Variants in PIK3C2A observed in about 807,000 individuals in gnomAD.
The protein encoded by PIK3C2A is phosphatidylinositol 4-phosphate 3-kinase C2 domain-containing subunit alpha.
A neutral mutation model predicts 204.5 loss-of-function variants in PIK3C2A; 97 were observed. The observed-to-expected ratio is 0.47, with a 90% CI of 0.40 to 0.56. The LOEUF (loss-of-function observed/expected upper bound fraction) is 0.56, where lower values mean the gene tolerates loss of function less well. Among genes scored for constraint, PIK3C2A ranks in the 20% least tolerant of loss-of-function variants. PIK3C2A has a pLI of 0.00. For synonymous variants in PIK3C2A, 653 were observed against 664.4 expected, an observed-to-expected ratio of 0.98 and a Z score of 0.26; for missense variants, 1,735 against 1,969.2, an observed-to-expected ratio of 0.88 and a Z score of 2.25.
At chr11:17,152,591 TTAAG>T (rs1484712606) in intron 3 of PIK3C2A, among the ~76,000 whole-genome samples, 26 of 152,318 alleles carry the variant, frequency 1.7e-4, no homozygotes, top group Non-Finnish European at 2.8e-4. Flanking sequence ...TTTGATGTTC[TTAAG>T]TAACTATCTA....
chr11:17,142,274 T>C (rs1451724277), intron 8 of PIK3C2A, among the ~76,000 whole-genome samples: 1 of 151,972 alleles, frequency 6.6e-6, no homozygotes, highest in Non-Finnish European at 1.5e-5. Context: ...AATTTCAGAG[T>C]CAATCAGTAT....
At chr11:17,101,127 G>A (rs141256313) in intron 25 of PIK3C2A, 151 bp downstream of exon 25, 74 of 456,962 alleles carry the variant, frequency 1.6e-4, no homozygotes, top group African/African-American at 9.3e-4. Flanking sequence ...TATTTCACAC[G>A]GCAGTAAGTT....
Position 17,094,318 on chromosome 11 carries a change from T to G in PIK3C2A, c.4394A>C (p.Glu1465Ala). 6.2e-7 allele frequency: 1 copy of G among 1,610,986 alleles called. No homozygotes were observed. Among genetic ancestry groups the G allele is most frequent in the Non-Finnish European group, 8.5e-7 (1 of 1,177,148 alleles). ...GAGCTTATTGTGAAGTTCCTGAAATTCGTCAAATGTTCGGAAGACAAATGA... is the reference window on the plus strand; with the variant it reads ...GAGCTTATTGTGAAGTTCCTGAAATGCGTCAAATGTTCGGAAGACAAATGA... ...EPSFVFRTFD[E>A]FQELHNKLSI... Residue 1465 changes from glutamate (E) to alanine (A), a missense_variant, in exon 28 of 33, where the codon GAA becomes GCA. Coordinates refer to ENST00000691414, the MANE Select transcript of PIK3C2A (RefSeq NM_002645.4).
intron 11 of PIK3C2A, among the ~76,000 whole-genome samples, chr11:17,133,985 CATTTGCTCTGTTTTCCTGCTAT>C (rs947433831): frequency 1.8e-4 from 27 of 152,050 alleles, no homozygotes; most frequent in African/African-American, 2.4e-4. Flanking sequence ...AATTAACTGA[CATTTGCTCTGTTTTCCTGCTAT>C]ATTTGCTCTG....
chr11:17,168,574 C>A lies in PIK3C2A; in HGVS notation c.1065+103G>T, dbSNP rs1056725138. ...CCAGCCTGGGCGACAGAGCGAGACT[C>A]CTTCTTAAAAACAAAAACAAAAACA... On this transcript the variant is annotated intron_variant, in intron 2 of 32. Transcript: ENST00000691414. The A allele has an allele frequency of 4.2e-5, 35 of 841,978 alleles. No homozygotes were observed. In the African/African-American group the frequency reaches 5.3e-4, roughly 13 times the overall value. The allele number at this position is 841,978 out of a possible 1,614,324, so 52.2% of individuals were successfully genotyped here. A position where few individuals can be genotyped will look rare whatever the true frequency, so the allele number is the denominator to read the frequency against.
At chr11:17,125,020 C>A (rs1029995659) in intron 13 of PIK3C2A, among the ~76,000 whole-genome samples, 1 of 152,100 alleles carries the variant, frequency 6.6e-6, no homozygotes, top group African/African-American at 2.4e-5. Context: ...ACTTCTAATT[C>A]TATCAAATTA....
Position 17,101,264 on chromosome 11 carries a change from T to C in PIK3C2A, c.4008+14A>G, listed in dbSNP as rs1318473081. ...TAATATAAAACTAATTAAGTGCTTA[T>C]AAAGAATAGTTACCAGTGAAAGGAG... On this transcript the variant is annotated intron_variant, in intron 25 of 32. Transcript: ENST00000691414. The C allele has an allele frequency of 2.8e-6, 4 of 1,431,836 alleles. No individual in the cohort carries two copies. The highest frequency in any genetic ancestry group is 3.8e-6 in the Non-Finnish European group (4 of 1,053,802). 88.7% of individuals were successfully genotyped at this position (1,431,836 alleles called of 1,614,324 possible).
chr11:17,199,950 T>G (rs1852309484), intron 1 of PIK3C2A, among the ~76,000 whole-genome samples: 1 of 148,892 alleles, frequency 6.7e-6, no homozygotes, highest in Admixed American at 6.7e-5. Flanking sequence ...AGGGGCTGGG[T>G]TGAGAAGAGA....
In PIK3C2A at chr11:17,101,437, A is replaced by G; in HGVS notation, c.3852-3T>C. ...TCAGCACAAAAGGAGCCCGATCCCT[A>G]TTTAAAATGAAAGTACATACAAAAT... On this transcript the variant is annotated splice_region_variant and splice_polypyrimidine_tract_variant and intron_variant, in intron 24 of 32. Coordinates refer to ENST00000691414, the MANE Select transcript of PIK3C2A (RefSeq NM_002645.4). 2.7e-6 allele frequency: 4 copies of G among 1,480,578 alleles called. No homozygotes were observed. Among genetic ancestry groups the G allele is most frequent in the Non-Finnish European group, 3.7e-6 (4 of 1,091,794 alleles). 91.7% of individuals were successfully genotyped at this position (1,480,578 alleles called of 1,614,324 possible).
intron 19 of PIK3C2A, among the ~76,000 whole-genome samples, chr11:17,116,279 C>CATAT (rs1216345608): frequency 4.6e-5 from 7 of 152,088 alleles, no homozygotes; most frequent in Admixed American, 4.6e-4. Context: ...GGCCAATAAA[C>CATAT]ATATGAGAAT....
In PIK3C2A at chr11:17,122,318, G is replaced by A. The variant is rs1464612674; in HGVS notation, c.2527C>T (p.Pro843Ser). 13 of 1,545,936 alleles carry A rather than the reference G, an allele frequency of 8.4e-6. No individual in the cohort carries two copies. The highest frequency in any genetic ancestry group is 1.1e-5 in the Non-Finnish European group (12 of 1,124,364). ...GTTGTATAAATAATATCAAATGCAG[G>A]AGAAGGAAAATCAACCTTTAAAATT... Reference protein sequence around the residue: ...RIVLQVDFPSPAFDIIYTTPQ... With the variant: ...RIVLQVDFPSSAFDIIYTTPQ... The change falls in exon 15 of 33, where the codon CCT becomes TCT. Residue 843 changes from proline to serine, a missense_variant. Pro to Ser is a moderately conservative substitution (Grantham distance 74). Around this residue, in one of 6 missense-constraint regions of PIK3C2A, gnomAD observed 567 missense variants for 576.0 expected, o/e 0.98. Transcript: ENST00000691414.
intron 1 of PIK3C2A, among the ~76,000 whole-genome samples, chr11:17,171,784 T>A (rs1282923227): frequency 6.6e-6 from 1 of 152,178 alleles, no homozygotes; most frequent in African/African-American, 2.4e-5. Flanking sequence ...GTTGTTCTTG[T>A]CGTTTAGAGA....
At chr11:17,143,789 T>C (rs1185816277) in intron 8 of PIK3C2A, among the ~76,000 whole-genome samples, 1 of 151,770 alleles carries the variant, frequency 6.6e-6, no homozygotes, top group African/African-American at 2.4e-5. Flanking sequence ...ATACAAAAAT[T>C]AGCCAGGCGT....
In PIK3C2A at chr11:17,169,542, A is replaced by G. The variant is rs576938617; in HGVS notation, c.200T>C (p.Val67Ala). Reference protein sequence around the residue: ...LSSSTRKKAQVYNKQDYDLMV... With the variant: ...LSSSTRKKAQAYNKQDYDLMV... The stretch of plus-strand genomic sequence containing the variant: ...GAGATCATAATCCTGCTTGTTATAA[A>G]CCTGTGCTTTTTTTCTGGTGCTGCT... The change falls in exon 2 of 33, where the codon GTT becomes GCT. Residue 67 changes from valine (V) to alanine (A), a missense_variant. Val to Ala is a moderately conservative substitution (Grantham distance 64, BLOSUM62 0). Coordinates refer to ENST00000691414, the MANE Select transcript of PIK3C2A (RefSeq NM_002645.4). The G allele has an allele frequency of 6.2e-7, 1 of 1,613,976 alleles. No individual in the cohort carries two copies. The highest frequency in any genetic ancestry group is 1.3e-5 in the African/African-American group (1 of 74,996).
intron 1 of PIK3C2A, among the ~76,000 whole-genome samples, chr11:17,178,713 A>AT (rs569882194): frequency 1.0e-4 from 1 of 9,826 alleles, no homozygotes; most frequent in African/African-American, 5.4e-4. Flanking sequence ...TGATTTTTGA[A>AT]TTTTTTTTTT....
chr11:17,197,835 T>C (rs1387931970), intron 1 of PIK3C2A, among the ~76,000 whole-genome samples: 1 of 152,222 alleles, frequency 6.6e-6, no homozygotes, highest in African/African-American at 2.4e-5. Context: ...TGTTATGGTA[T>C]ATACCTGCAT....
At chr11:17,155,762 A>AT in intron 2 of PIK3C2A, 133 bp from the exon 3 acceptor site, 1 of 523,122 alleles carries the variant, frequency 1.9e-6, no homozygotes, top group South Asian at 3.6e-5. Flanking sequence ...TCAATAACAA[A>AT]TTTTTAAATT....
At chr11:17,178,820 C>T (rs966080287) in intron 1 of PIK3C2A, among the ~76,000 whole-genome samples, 1 of 148,336 alleles carries the variant, frequency 6.7e-6, no homozygotes, top group African/African-American at 2.5e-5. Context: ...AGCTCCGCTT[C>T]CCGGGTTCAC....
At chr11:17,163,689 C>T (rs2137471035) in intron 2 of PIK3C2A, among the ~76,000 whole-genome samples, 1 of 152,218 alleles carries the variant, frequency 6.6e-6, no homozygotes, top group East Asian at 1.9e-4. Context: ...ACTGGGTTTA[C>T]AGGCATGAGC....
Sources: allele counts gnomAD v4.1 joint callset (sites outside exome capture counted in the v4.1 genomes callset), GRCh38; gene constraint gnomAD v4.1.1; regional missense constraint gnomAD v4.1.1; transcripts MANE v1.5; gene names NCBI Gene and HGNC (gene_info 2026-07-23, HGNC 2026-07-21).